Variants in RALYL observed in about 807,000 individuals in gnomAD.
RALYL encodes the protein RALY RNA binding protein like, also known as RNA-binding Raly-like protein.
A neutral mutation model predicts 35.1 loss-of-function variants in RALYL; 29 were observed. The observed-to-expected ratio is 0.83, with a 90% CI of 0.61 to 1.13. The LOEUF is 1.13. RALYL is among the 50% of genes most tolerant of loss of function. The pLI, the probability that RALYL is intolerant of heterozygous loss-of-function variation, is 0.00. For missense variants in RALYL, 359 were observed against 360.4 expected (o/e 1.00, Z 0.03); for synonymous variants, 120 against 127.6 (o/e 0.94, Z 0.40).
At chr8:84,378,273 A>C (rs1157212591) in intron 1 of RALYL, among the ~76,000 whole-genome samples, 1 of 151,864 alleles carries the variant, frequency 6.6e-6, no homozygotes, top group Non-Finnish European at 1.5e-5. Flanking sequence ...GGTGCTTTGA[A>C]CTCACAGTAT....
At position 84,746,134 on chromosome 8, in the gene RALYL, T is replaced by C. The variant is rs144391177; in HGVS notation, c.257-28445T>C. Among the ~76,000 whole-genome samples the C allele has an allele frequency of 8.8e-3, 1,340 of 152,136 alleles. 22 individuals carry two copies. Among genetic ancestry groups the C allele is most frequent in the African/African-American group, 0.03 (1,237 of 41,560 alleles). Reference sequence around the variant, plus strand: ...ATTGTTTCTTTTTGCATTCCTGCAATAACAATTTGAATTCTCTCCAAAGAC... The same window carrying C: ...ATTGTTTCTTTTTGCATTCCTGCAACAACAATTTGAATTCTCTCCAAAGAC... On this transcript the variant is annotated intron_variant, in intron 2 of 8. Transcript: ENST00000521268.
chr8:84,581,595 G>A (rs1431291131), intron 2 of RALYL, among the ~76,000 whole-genome samples: 1 of 152,152 alleles, frequency 6.6e-6, no homozygotes, highest in African/African-American at 2.4e-5. Flanking sequence ...TTATTATAAT[G>A]ATAAGTCTTT....
chr8:84,831,885 C>T (rs1391280328), intron 4 of RALYL, among the ~76,000 whole-genome samples: 2 of 151,974 alleles, frequency 1.3e-5, no homozygotes, highest in African/African-American at 2.4e-5. Context: ...ATGAAATACT[C>T]ATTTTAGATA....
chr8:84,322,201 C>T (rs1034934057), intron 1 of RALYL, among the ~76,000 whole-genome samples: 1 of 152,040 alleles, frequency 6.6e-6, no homozygotes, highest in African/African-American at 2.4e-5. Flanking sequence ...GAATATAAAA[C>T]AGCAGAGTAC....
intron 1 of RALYL, among the ~76,000 whole-genome samples, chr8:84,499,132 C>G (rs1019836452): frequency 6.7e-6 from 1 of 149,948 alleles, no homozygotes; most frequent in African/African-American, 2.5e-5. Flanking sequence ...AGTAAATGCG[C>G]AGGTTTGTTA....
At chr8:84,274,533 A>G (rs113318966) in intron 1 of RALYL, among the ~76,000 whole-genome samples, 4 of 152,114 alleles carry the variant, frequency 2.6e-5, no homozygotes, top group South Asian at 2.1e-4. Context: ...TAGAAGCACA[A>G]ATTTTTGCGC....
At chr8:84,894,668 A>G (rs1344622) in intron 8 of RALYL, among the ~76,000 whole-genome samples, 147,349 of 152,264 alleles carry the variant, frequency 0.97, 71,332 homozygotes, top group East Asian at 1. Context: ...TTGATGTGAG[A>G]GAAAGTGTAA....
chr8:84,398,609 A>G (rs906170636), intron 1 of RALYL, among the ~76,000 whole-genome samples: 3 of 152,198 alleles, frequency 2.0e-5, no homozygotes, highest in Admixed American at 6.5e-5. Flanking sequence ...GAAAAATGAT[A>G]CATGGAACAT....
chr8:84,582,031 G>A (rs1351484649), intron 2 of RALYL, among the ~76,000 whole-genome samples: 1 of 152,056 alleles, frequency 6.6e-6, no homozygotes, highest in African/African-American at 2.4e-5. Context: ...TAATCATTGG[G>A]TGTCTATTGG....
chr8:84,302,773 AT>A, intron 1 of RALYL, among the ~76,000 whole-genome samples: 2 of 152,290 alleles, frequency 1.3e-5, no homozygotes, highest in Middle Eastern at 6.8e-3. Flanking sequence ...TTAATTATGA[AT>A]TGATCAGGGT....
At position 84,782,842 on chromosome 8, in the gene RALYL, GTTGAAGTATCTT is replaced by G. The variant is rs1230927914; in HGVS notation, c.332+8189_332+8200del. ...GGGCAATGCCCTTGCTTGCTTGTAA[GTTGAAGTATCTT>G]CATTGTCAGTGTTGATTTCATTTGT... On this transcript the variant is annotated intron_variant, in intron 3 of 8. Transcript: ENST00000521268. Among the ~76,000 whole-genome samples, 32 of 152,334 alleles carry G rather than the reference GTTGAAGTATCTT, an allele frequency of 2.1e-4. 1 individual carries two copies. Among genetic ancestry groups the G allele is most frequent in the Admixed American group, 2.0e-3 (31 of 15,300 alleles).
chr8:84,917,428 G>T (rs1469760144), intron 8 of RALYL, among the ~76,000 whole-genome samples: 1 of 151,760 alleles, frequency 6.6e-6, no homozygotes, highest in Admixed American at 6.6e-5. Flanking sequence ...AATGTCAAGG[G>T]TTAGCCCAAT....
At chr8:84,204,996 G>T (rs1337038637) in intron 1 of RALYL, among the ~76,000 whole-genome samples, 1 of 152,144 alleles carries the variant, frequency 6.6e-6, no homozygotes, top group African/African-American at 2.4e-5. Flanking sequence ...GACAGGGCTA[G>T]TAACTAGCAG....
intron 8 of RALYL, among the ~76,000 whole-genome samples, chr8:84,911,393 A>T (rs1471232542): frequency 6.6e-6 from 1 of 152,162 alleles, no homozygotes; most frequent in Non-Finnish European, 1.5e-5. Context: ...GAAATATTCA[A>T]TGGCTATTTG....
intron 2 of RALYL, among the ~76,000 whole-genome samples, chr8:84,686,268 A>G (rs1473209506): frequency 2.6e-5 from 4 of 152,202 alleles, no homozygotes; most frequent in East Asian, 1.9e-4. Flanking sequence ...GAAAAGCTAT[A>G]TATCAGCAGA....
intron 1 of RALYL, among the ~76,000 whole-genome samples, chr8:84,256,364 C>G (rs1168686758): frequency 1.1e-4 from 2 of 18,306 alleles, no homozygotes; most frequent in African/African-American, 1.2e-3. Context: ...ATTTTGCTAC[C>G]TATTTTCATT....
At chr8:84,451,290 C>T (rs759618632) in intron 1 of RALYL, among the ~76,000 whole-genome samples, 14 of 151,690 alleles carry the variant, frequency 9.2e-5, no homozygotes, top group East Asian at 1.9e-4. Flanking sequence ...TTTTTAGTTC[C>T]GTATCCCCAC....
intron 2 of RALYL, among the ~76,000 whole-genome samples, chr8:84,652,669 T>A (rs1260369141): frequency 6.6e-6 from 1 of 152,082 alleles, no homozygotes; most frequent in Non-Finnish European, 1.5e-5. Context: ...ACAGGCTGTA[T>A]AATATGTTTA....
At chr8:84,454,562 T>A (rs1044833405) in intron 1 of RALYL, among the ~76,000 whole-genome samples, 3 of 152,090 alleles carry the variant, frequency 2.0e-5, no homozygotes, top group Non-Finnish European at 4.4e-5. Flanking sequence ...TCCAAATGGA[T>A]ACTACAGTTA....
Sources: gnomAD v4.1 joint callset for allele counts (sites outside exome capture counted in the v4.1 genomes callset) on GRCh38, gnomAD v4.1.1 for gene constraint, MANE v1.5 for transcripts, NCBI Gene and HGNC (gene_info 2026-07-23, HGNC 2026-07-21) for gene names.